The following DHRS7C variants were observed in gnomAD, a reference collection of about 807,000 sequenced individuals.
DHRS7C encodes the protein dehydrogenase/reductase SDR family member 7C.
Under a neutral mutation model 29.6 loss-of-function variants are expected in DHRS7C, and 28 were observed. That is an observed-to-expected ratio of 0.95 (90% CI 0.70 to 1.30). DHRS7C has a LOEUF of 1.30. DHRS7C is among the 50% of genes most tolerant of loss of function. DHRS7C has a pLI of 0.00. For synonymous variants in DHRS7C, 158 were observed against 160.2 expected (o/e 0.99, Z 0.10); for missense variants, 403 against 393.3 (o/e 1.02, Z -0.21).
chr17:9,773,455 G>A (rs2066343165), intron 4 of DHRS7C, among the ~76,000 whole-genome samples: 1 of 152,128 alleles, frequency 6.6e-6, no homozygotes, highest in African/African-American at 2.4e-5. Context: ...AATCGTAGAA[G>A]CCATGGGTTG....
At chr17:9,778,264 G>A (rs2066373637) in intron 3 of DHRS7C, among the ~76,000 whole-genome samples, 2 of 151,962 alleles carry the variant, frequency 1.3e-5, no homozygotes, top group Non-Finnish European at 2.9e-5. Context: ...CGTGGTGGCG[G>A]GCGCCTGTAG....
chr17:9,791,367 C>A lies in DHRS7C; in HGVS notation c.-83G>T. Reference sequence around the variant, plus strand: ...AGGACTCCCAGGGCAGGGGGAGGCCCAAGGCTGCAGGGAGCTCAGCTCTGT... The same window carrying A: ...AGGACTCCCAGGGCAGGGGGAGGCCAAAGGCTGCAGGGAGCTCAGCTCTGT... On this transcript the variant is annotated 5_prime_UTR_variant, in exon 1 of 6. Coordinates refer to ENST00000571134, the MANE Select transcript of DHRS7C (RefSeq NM_001105571.3). The A allele has an allele frequency of 1.3e-6, 2 of 1,510,140 alleles. No homozygotes were observed. The highest frequency in any genetic ancestry group is 1.4e-5 in the African/African-American group (1 of 73,142). The allele number at this position is 1,510,140 out of a possible 1,614,324, so 93.5% of individuals were successfully genotyped here. A position where few individuals can be genotyped will look rare whatever the true frequency, so the allele number is the denominator to read the frequency against.
rs774764145 is a variant in DHRS7C, at chr17:9,781,476, C to T, written c.267+6G>A. 6.2e-7 allele frequency: 1 copy of T among 1,613,834 alleles called. No homozygotes were observed. The highest frequency in any genetic ancestry group is 1.7e-5 in the Admixed American group (1 of 60,016). ...GTTACCCACGCCTACTGCTAGAAGACCTTACCTTGCTGGGGTCAGCCACGC... is the reference window on the plus strand; with the variant it reads ...GTTACCCACGCCTACTGCTAGAAGATCTTACCTTGCTGGGGTCAGCCACGC... On this transcript the variant is annotated splice_donor_region_variant and intron_variant, in intron 2 of 5. Transcript: ENST00000571134.
At position 9,774,373 on chromosome 17, in the gene DHRS7C, C is replaced by T. The variant is rs753395677; in HGVS notation, c.572-1451G>A. ...AATCTCAGCTCACTGCAATCTCTGC[C>T]TCCCGGGCTCAAGCAATTCTCCAGC... On this transcript the variant is annotated intron_variant, in intron 4 of 5. Transcript: ENST00000571134. The surrounding 1 kb of genome is among the most constrained non-coding windows in gnomAD (Gnocchi z 5.0). Among the ~76,000 whole-genome samples, 2 of 152,226 alleles carry T rather than the reference C, an allele frequency of 1.3e-5. No homozygotes were observed. The highest frequency in any genetic ancestry group is 2.4e-5 in the African/African-American group (1 of 41,466).
intron 3 of DHRS7C, among the ~76,000 whole-genome samples, chr17:9,779,430 G>C (rs1440573626): frequency 6.6e-6 from 1 of 152,156 alleles, no homozygotes; most frequent in East Asian, 1.9e-4. Flanking sequence ...TTGACCAACT[G>C]TAATGGTTAG....
At chr17:9,773,475 G>A (rs2066343294) in intron 4 of DHRS7C, among the ~76,000 whole-genome samples, 1 of 152,056 alleles carries the variant, frequency 6.6e-6, no homozygotes, top group Admixed American at 6.6e-5. Context: ...GGGGAAAAAA[G>A]GATCATTCCA....
chr17:9,776,211 A>G (rs2152015580), intron 4 of DHRS7C, among the ~76,000 whole-genome samples: 1 of 152,266 alleles, frequency 6.6e-6, no homozygotes, highest in South Asian at 2.1e-4. Context: ...TCAAAAAAAG[A>G]AAAAGAAAAG....
chr17:9,781,155 TA>T (rs1257005032), intron 2 of DHRS7C, among the ~76,000 whole-genome samples: 3 of 151,990 alleles, frequency 2.0e-5, no homozygotes, highest in African/African-American at 7.3e-5. Flanking sequence ...TCAGTTCAGG[TA>T]TTTAAAAAAA....
chr17:9,773,267 C>T lies in DHRS7C; in HGVS notation c.572-345G>A, dbSNP rs372262350. Among the ~76,000 whole-genome samples, 138 of 152,040 alleles carry T rather than the reference C, an allele frequency of 9.1e-4. 1 individual carries two copies. Among genetic ancestry groups the T allele is most frequent in the African/African-American group, 3.2e-3 (132 of 41,344 alleles). ...TCAAATGAGAAAACATACAGAATGC[C>T]GGCACAAACATGAATTCCCCTTCCT... On this transcript the variant is annotated intron_variant, in intron 4 of 5. Transcript: ENST00000571134.
intron 3 of DHRS7C, among the ~76,000 whole-genome samples, chr17:9,778,825 C>A (rs746342976): frequency 6.6e-6 from 1 of 152,196 alleles, no homozygotes; most frequent in Non-Finnish European, 1.5e-5. Context: ...TGCCAGGACA[C>A]CCCACTCCCT....
intron 1 of DHRS7C, among the ~76,000 whole-genome samples, chr17:9,790,395 A>G (rs1243523690): frequency 6.6e-6 from 1 of 152,224 alleles, no homozygotes; most frequent in Non-Finnish European, 1.5e-5. Context: ...ACGGCCCCTC[A>G]TGTCATAGAT....
chr17:9,780,021 C>T lies in DHRS7C; in HGVS notation c.282G>A (p.Lys94=), dbSNP rs1449892754. The part of the protein sequence containing the change: ...VADPSKTFTP[K]LVLLDLSDIS... Reference sequence around the variant, plus strand: ...TGTCTGAGAGGTCCAACAGGACCAGCTTTGGGGTGAATGTCTGCTGAACCA... The same window carrying T: ...TGTCTGAGAGGTCCAACAGGACCAGTTTTGGGGTGAATGTCTGCTGAACCA... Residue 94 remains lysine, a synonymous_variant, in exon 3 of 6, where the codon AAG becomes AAA. Coordinates refer to ENST00000571134, the MANE Select transcript of DHRS7C (RefSeq NM_001105571.3). The T allele has an allele frequency of 6.2e-7, 1 of 1,613,548 alleles. No individual in the cohort carries two copies. The highest frequency in any genetic ancestry group is 1.7e-5 in the Admixed American group (1 of 59,960).
rs774663268 is a variant in DHRS7C at position 9,771,592 on chromosome 17, TGG to T, written c.830_831del (p.Pro277HisfsTer?). The T allele has an allele frequency of 5.6e-6, 9 of 1,598,578 alleles. No homozygotes were observed. The highest frequency in any genetic ancestry group is 7.7e-6 in the Non-Finnish European group (9 of 1,171,722). ...CGGACGTACACGGCGGCCTTGGGGA[TGG>T]GGTTGGCCATAAACACCTCTTGCTT... ...RKKQEVFMAN[P>X]IPKAAVYVRT... is the part of the protein sequence containing the mutation. On this transcript the variant is annotated frameshift_variant, in exon 6 of 6. Transcript: ENST00000571134. LOFTEE classifies it high-confidence loss of function.
rs370849121 is a variant in DHRS7C at position 9,772,802 on chromosome 17, G to A, written c.692C>T (p.Pro231Leu). The A allele has an allele frequency of 2.2e-5, 36 of 1,613,840 alleles. No homozygotes were observed. The African/African-American group carries it at 4.5e-4, about 20-fold the overall frequency. The change falls in exon 5 of 6, where the codon CCA becomes CTA. Residue 231 changes from proline to leucine, a missense_variant. Pro to Leu is a moderately conservative substitution (Grantham distance 98, BLOSUM62 -3). Transcript: ENST00000571134. ...GGAAGCTTCCCAGTTTCCTTGCTCTGGATACACGTGGTACGACCGGATGAA... is the reference window on the plus strand; with the variant it reads ...GGAAGCTTCCCAGTTTCCTTGCTCTAGATACACGTGGTACGACCGGATGAA... The part of the protein sequence containing the change: ...PTFIRSYHVY[P>L]EQGNWEASIW...
intron 1 of DHRS7C, among the ~76,000 whole-genome samples, chr17:9,787,081 G>T (rs1367962568): frequency 2.0e-5 from 3 of 152,142 alleles, no homozygotes; most frequent in Non-Finnish European, 2.9e-5. Flanking sequence ...AAGTAGCTGG[G>T]ATTACAGGCG....
At chr17:9,779,486 T>C (rs931924710) in intron 3 of DHRS7C, among the ~76,000 whole-genome samples, 1 of 152,160 alleles carries the variant, frequency 6.6e-6, no homozygotes, top group Non-Finnish European at 1.5e-5. Flanking sequence ...TACATGATTG[T>C]TGAGACAATT....
intron 1 of DHRS7C, among the ~76,000 whole-genome samples, 151 bp from the exon 2 acceptor site, chr17:9,781,745 C>T (rs964970926): frequency 7.2e-5 from 11 of 152,178 alleles, no homozygotes; most frequent in African/African-American, 2.2e-4. Flanking sequence ...ACTCCCTCCC[C>T]GGGCTGGAAT....
At chr17:9,773,467 G>A (rs573262457) in intron 4 of DHRS7C, among the ~76,000 whole-genome samples, 2 of 151,986 alleles carry the variant, frequency 1.3e-5, no homozygotes, top group South Asian at 4.1e-4. Flanking sequence ...CATGGGTTGG[G>A]GAAAAAAGGA....
rs113653944 is a variant in DHRS7C at position 9,777,358 on chromosome 17, C to T, written c.479-73G>A. On this transcript the variant is annotated intron_variant, in intron 3 of 5. Transcript: ENST00000571134. Reference sequence around the variant, plus strand: ...TTAGGCAGCAGCAGGCAGACCCCTGCCCCCGGTACCCTCATCACAGGGCTC... The same window carrying T: ...TTAGGCAGCAGCAGGCAGACCCCTGTCCCCGGTACCCTCATCACAGGGCTC... 664 of 1,286,638 alleles carry T rather than the reference C, an allele frequency of 5.2e-4. 1 individual carries two copies. The highest frequency in any genetic ancestry group is 6.8e-4 in the Non-Finnish European group (622 of 909,506). 79.7% of individuals were successfully genotyped at this position (1,286,638 alleles called of 1,614,324 possible).
Sources: gnomAD v4.1 joint callset for allele counts (sites outside exome capture counted in the v4.1 genomes callset) on GRCh38, gnomAD v4.1.1 for gene constraint, Gnocchi (gnomAD v3.1) non-coding constraint, MANE v1.5 for transcripts, NCBI Gene and HGNC (gene_info 2026-07-23, HGNC 2026-07-21) for gene names.